The following CNTN5 variants were observed in gnomAD, a reference collection of about 807,000 sequenced individuals.
CNTN5 encodes the protein contactin 5, also known as contactin-5.
Under a neutral mutation model 129.1 loss-of-function variants are expected in CNTN5, and 77 were observed. The ratio of observed to expected loss-of-function variants is 0.60; its 90% CI spans 0.50 to 0.72. The LOEUF (loss-of-function observed/expected upper bound fraction) is 0.72, where lower values mean the gene tolerates loss of function less well. Ranked by LOEUF, CNTN5 falls within the 30% of genes least tolerant of loss-of-function variation. The pLI, the probability that CNTN5 is intolerant of heterozygous loss-of-function variation, is 0.00. For synonymous variants in CNTN5, 509 were observed against 465.6 expected (o/e 1.09, Z -1.20); for missense variants, 1,478 against 1,328.8 (o/e 1.11, Z -1.75).
intron 21 of CNTN5, among the ~76,000 whole-genome samples, chr11:100,331,090 G>A (rs1951897417): frequency 6.6e-6 from 1 of 152,062 alleles, no homozygotes; most frequent in South Asian, 2.1e-4. Context: ...CAGGAGACTT[G>A]CCTAACACAT....
intron 8 of CNTN5, among the ~76,000 whole-genome samples, chr11:99,970,205 C>T (rs1035459630): frequency 3.3e-5 from 5 of 152,122 alleles, no homozygotes; most frequent in African/African-American, 1.2e-4. Context: ...CTTTGAACTC[C>T]TTCTTTCTGT....
intron 21 of CNTN5, chr11:100,337,521 A>T (rs370256709): frequency 1.3e-6 from 1 of 740,892 alleles, no homozygotes; most frequent in Non-Finnish European, 2.5e-6. Flanking sequence ...GCTCAAACGC[A>T]TGTCTGTATC....
chr11:100,192,726 C>T (rs1325523329), intron 14 of CNTN5, among the ~76,000 whole-genome samples: 1 of 151,878 alleles, frequency 6.6e-6, no homozygotes, highest in Non-Finnish European at 1.5e-5. Flanking sequence ...CCTGTTTTAG[C>T]CTTTATTGGT....
At chr11:99,992,269 C>A (rs1054212452) in intron 8 of CNTN5, among the ~76,000 whole-genome samples, 1 of 152,158 alleles carries the variant, frequency 6.6e-6, no homozygotes, top group African/African-American at 2.4e-5. Context: ...ACAGGTATTT[C>A]ATAGACATTG....
chr11:99,290,498 G>C (rs559566871), intron 1 of CNTN5, among the ~76,000 whole-genome samples: 3 of 151,958 alleles, frequency 2.0e-5, no homozygotes, highest in South Asian at 2.1e-4. Flanking sequence ...TTCTCTGCAG[G>C]TAACATAGAC....
intron 2 of CNTN5, among the ~76,000 whole-genome samples, chr11:99,409,219 C>G (rs1178363669): frequency 6.6e-6 from 1 of 152,204 alleles, no homozygotes; most frequent in Admixed American, 6.5e-5. Flanking sequence ...AATCCCAGCA[C>G]TTTGGGAGGC....
At chr11:99,902,049 A>G (rs1376049393) in intron 6 of CNTN5, among the ~76,000 whole-genome samples, 2 of 152,184 alleles carry the variant, frequency 1.3e-5, no homozygotes, top group Non-Finnish European at 2.9e-5. Context: ...TTCTGATTCT[A>G]GAGGTCAAGC....
chr11:99,931,012 A>G (rs2136075138), intron 7 of CNTN5, among the ~76,000 whole-genome samples: 1 of 152,302 alleles, frequency 6.6e-6, no homozygotes, highest in South Asian at 2.1e-4. Flanking sequence ...ATACTCTCAA[A>G]TTAATCAGAA....
chr11:99,378,429 A>G (rs547306179), intron 2 of CNTN5, among the ~76,000 whole-genome samples: 5 of 152,084 alleles, frequency 3.3e-5, no homozygotes, highest in Non-Finnish European at 7.4e-5. Flanking sequence ...GTATCACTGT[A>G]TATGTTCAAG....
chr11:99,758,024 A>G (rs967937218), intron 3 of CNTN5, among the ~76,000 whole-genome samples: 1 of 152,052 alleles, frequency 6.6e-6, no homozygotes, highest in Non-Finnish European at 1.5e-5. Context: ...ACAAAATACT[A>G]ATCTTTACCA....
chr11:99,270,212 G>A (rs1863109087), intron 1 of CNTN5, among the ~76,000 whole-genome samples: 1 of 151,828 alleles, frequency 6.6e-6, no homozygotes, highest in African/African-American at 2.4e-5. Context: ...GCTTTGAAAT[G>A]TGTTTATTGA....
chr11:100,159,634 T>C (rs1947373240), intron 13 of CNTN5, among the ~76,000 whole-genome samples: 5 of 151,954 alleles, frequency 3.3e-5, no homozygotes, highest in Admixed American at 2.6e-4. Context: ...GAGGTGAATA[T>C]TTCATGCATT....
At position 100,242,445 on chromosome 11, in the gene CNTN5, G is replaced by A. The variant is rs371271814; in HGVS notation, c.2006-13315G>A. Among the ~76,000 whole-genome samples the A allele has an allele frequency of 7.9e-4, 120 of 152,212 alleles. 2 individuals are homozygous for A. The highest frequency in any genetic ancestry group is 2.6e-3 in the African/African-American group (110 of 41,512). ...CCTATCTTGTTTACTACCTTAACCT[G>A]AGAAAAGTGGTTTAATTGGCTCACA... On this transcript the variant is annotated intron_variant, in intron 16 of 24. Transcript: ENST00000524871.
intron 15 of CNTN5, among the ~76,000 whole-genome samples, chr11:100,220,994 A>G (rs993821231): frequency 2.0e-5 from 3 of 152,206 alleles, no homozygotes; most frequent in Non-Finnish European, 4.4e-5. Context: ...CACTAGTGCT[A>G]GCTCAGCTTT....
intron 6 of CNTN5, among the ~76,000 whole-genome samples, chr11:99,857,705 A>G (rs1948082559): frequency 6.6e-6 from 1 of 152,124 alleles, no homozygotes; most frequent in Admixed American, 6.5e-5. Context: ...AAACTAAGAT[A>G]CCCCCGAAAA....
rs115679041 is a variant in CNTN5 at position 100,315,239 on chromosome 11, C to T, written c.2730+6771C>T. Among the ~76,000 whole-genome samples the T allele has an allele frequency of 2.9e-3, 438 of 152,258 alleles. 3 individuals carry two copies. The highest frequency in any genetic ancestry group is 9.9e-3 in the African/African-American group (410 of 41,570). Reference sequence around the variant, plus strand: ...ACTTACACTTGGCATTTTGGCCTTTCGCAAGGAAGCTTCCATTACATCTTA... The same window carrying T: ...ACTTACACTTGGCATTTTGGCCTTTTGCAAGGAAGCTTCCATTACATCTTA... On this transcript the variant is annotated intron_variant, in intron 21 of 24. Coordinates refer to ENST00000524871, the MANE Select transcript of CNTN5 (RefSeq NM_014361.4).
intron 1 of CNTN5, among the ~76,000 whole-genome samples, chr11:99,253,730 G>T (rs111512251): frequency 4.6e-5 from 7 of 151,182 alleles, no homozygotes; most frequent in African/African-American, 1.7e-4. Context: ...ACATATAATG[G>T]GTATTTTTAT....
chr11:100,133,405 C>A (rs1946432482), intron 13 of CNTN5, among the ~76,000 whole-genome samples: 1 of 152,174 alleles, frequency 6.6e-6, no homozygotes, highest in East Asian at 1.9e-4. Flanking sequence ...AATTTTTGTT[C>A]TCTTGAAAGT....
intron 1 of CNTN5, among the ~76,000 whole-genome samples, chr11:99,194,895 A>G (rs1237490491): frequency 6.6e-6 from 1 of 152,134 alleles, no homozygotes; most frequent in Non-Finnish European, 1.5e-5. Context: ...GTGAGCCACC[A>G]AGGCTGGCCC....
Sources: gnomAD v4.1 joint callset for allele counts (sites outside exome capture counted in the v4.1 genomes callset) on GRCh38, gnomAD v4.1.1 for gene constraint, MANE v1.5 for transcripts, NCBI Gene and HGNC (gene_info 2026-07-23, HGNC 2026-07-21) for gene names.